The following SUMF1 variants were observed in gnomAD, a reference collection of about 807,000 sequenced individuals.
SUMF1 encodes formylglycine-generating enzyme.
Under a neutral mutation model 47.6 loss-of-function variants are expected in SUMF1, and 48 were observed. The ratio of observed to expected loss-of-function variants is 1.01; its 90% CI spans 0.80 to 1.28. The LOEUF (loss-of-function observed/expected upper bound fraction) is 1.28. SUMF1 is among the 50% of genes most tolerant of loss of function. The probability of loss-of-function intolerance (pLI) is 0.00; values close to 1 mark genes in which losing one functional copy is unlikely to be tolerated. For missense variants in SUMF1, 571 were observed against 485.4 expected (o/e 1.18, Z -1.66); for synonymous variants, 230 against 192.1 (o/e 1.20, Z -1.63).
chr3:4,251,246 T>C (rs1196225710), intron 8 of SUMF1, among the ~76,000 whole-genome samples: 1 of 152,162 alleles, frequency 6.6e-6, no homozygotes, highest in Non-Finnish European at 1.5e-5. Context: ...GCCTATGTGG[T>C]AGAAATAGCA....
At chr3:4,305,301 GTC>G (rs1698146791) in intron 8 of SUMF1, among the ~76,000 whole-genome samples, 1 of 152,106 alleles carries the variant, frequency 6.6e-6, no homozygotes, top group African/African-American at 2.4e-5. Flanking sequence ...GCCCAGGCTG[GTC>G]TCAAACTCCT....
rs372359337 is a variant in SUMF1, at chr3:4,362,168, G to C, written c.1101C>G (p.Ala367=). The stretch of plus-strand genomic sequence containing the variant: ...GTCAGTCCATAGTGGGCAGGCGGTC[G>C]GCTGCACAGCGGAATCCCAGATTCG... ...SASNLGFRCA[A]DRLPTMD is the part of the protein sequence containing the mutation. Residue 367 remains alanine, a synonymous_variant, in exon 9 of 9, where the codon GCC becomes GCG. Transcript: ENST00000272902. 2 of 1,614,144 alleles carry C rather than the reference G, an allele frequency of 1.2e-6. No individual in the cohort carries two copies. Among genetic ancestry groups the C allele is most frequent in the East Asian group, 2.2e-5 (1 of 44,868 alleles).
In SUMF1 at chr3:4,462,902, T is replaced by A. The variant is rs115980658; in HGVS notation, c.270+4074A>T. 7.2e-3 allele frequency among the ~76,000 whole-genome samples: 1,093 copies of A among 152,338 alleles called. 11 individuals are homozygous for A. Among genetic ancestry groups the A allele is most frequent in the African/African-American group, 0.025 (1,043 of 41,576 alleles). On this transcript the variant is annotated intron_variant, in intron 1 of 8. Coordinates refer to ENST00000272902, the MANE Select transcript of SUMF1 (RefSeq NM_182760.4). ...CAAAGTTTCTTGCAGTTCTGAGCTA[T>A]ATGATTCCTTTAAGCCTCAGTTGCC...
chr3:4,142,217 GT>G (rs1483774328), intron 8 of SUMF1, among the ~76,000 whole-genome samples: 1 of 151,836 alleles, frequency 6.6e-6, no homozygotes, highest in African/African-American at 2.4e-5. Flanking sequence ...TTGAGAAACA[GT>G]TTTTTCACTG....
chr3:4,101,118 T>C (rs574143500), intron 8 of SUMF1, among the ~76,000 whole-genome samples: 20 of 152,076 alleles, frequency 1.3e-4, no homozygotes, highest in Non-Finnish European at 2.5e-4. Context: ...AATTACCATA[T>C]GATCAAGCAA....
intron 9 of SUMF1, among the ~76,000 whole-genome samples, chr3:4,054,049 C>T (rs973919363): frequency 1.3e-5 from 2 of 152,060 alleles, no homozygotes; most frequent in African/African-American, 2.4e-5. Context: ...TCAATAGTAA[C>T]ATACTCAAAA....
chr3:4,043,168 G>T (rs1574841706), intron 9 of SUMF1, among the ~76,000 whole-genome samples: 2 of 152,072 alleles, frequency 1.3e-5, no homozygotes. Context: ...ACAGTGGTAG[G>T]TCATGGCACC....
intron 3 of SUMF1, among the ~76,000 whole-genome samples, chr3:4,441,788 C>T (rs1559301990): frequency 6.6e-6 from 1 of 152,150 alleles, no homozygotes; most frequent in Non-Finnish European, 1.5e-5. Context: ...TGAAAGCTAG[C>T]TCAATGTTTT....
intron 8 of SUMF1, among the ~76,000 whole-genome samples, chr3:4,371,697 A>G (rs1700173903): frequency 6.6e-6 from 1 of 152,188 alleles, no homozygotes; most frequent in African/African-American, 2.4e-5. Context: ...TTTCTTGAGT[A>G]CTTACTATGT....
At chr3:4,253,241 T>A (rs926596346) in intron 8 of SUMF1, among the ~76,000 whole-genome samples, 2 of 151,822 alleles carry the variant, frequency 1.3e-5, no homozygotes, top group Admixed American at 1.3e-4. Context: ...GGAAAAAAAA[T>A]GGAAATAGGG....
intron 8 of SUMF1, among the ~76,000 whole-genome samples, chr3:4,202,659 T>C (rs952292823): frequency 1.3e-5 from 2 of 152,118 alleles, no homozygotes; most frequent in East Asian, 3.9e-4. Flanking sequence ...ATTGGTACTT[T>C]GATAGGGATT....
chr3:4,211,059 C>T (rs532242601), intron 8 of SUMF1, among the ~76,000 whole-genome samples: 1 of 141,720 alleles, frequency 7.1e-6, no homozygotes, highest in East Asian at 2.1e-4. Flanking sequence ...TGGCCTGTTG[C>T]AGGACCGTGT....
chr3:4,333,773 A>G (rs1302543881), intron 8 of SUMF1, among the ~76,000 whole-genome samples: 3 of 152,002 alleles, frequency 2.0e-5, no homozygotes, highest in African/African-American at 7.3e-5. Flanking sequence ...TATAAACAGG[A>G]GAACAATTTT....
intron 8 of SUMF1, among the ~76,000 whole-genome samples, chr3:4,294,257 C>T (rs935892162): frequency 6.6e-5 from 10 of 152,114 alleles, no homozygotes; most frequent in Non-Finnish European, 1.5e-4. Context: ...TCTTCGGTCA[C>T]ACTAGCCATA....
chr3:4,279,920 AT>A (rs1430995181), intron 8 of SUMF1, among the ~76,000 whole-genome samples: 1 of 152,166 alleles, frequency 6.6e-6, no homozygotes, highest in Non-Finnish European at 1.5e-5. Context: ...TTTAAATTTA[AT>A]TTTGGCTATA....
In SUMF1 at chr3:4,312,866, G is replaced by A. The variant is rs139762957; in HGVS notation, c.1014+63464C>T. 1.6e-3 allele frequency: 2,555 copies of A among 1,564,172 alleles called. 3 individuals are homozygous for A. The highest frequency in any genetic ancestry group is 4.5e-3 in the Middle Eastern group (26 of 5,772). On this transcript the variant is annotated intron_variant and NMD_transcript_variant, in intron 8 of 12. Transcript: ENST00000448413. ...ATATATAGGAAATATATGACATGCCGTGCTGACTTACAGTGTGTATATTTT... is the reference window on the plus strand; with the variant it reads ...ATATATAGGAAATATATGACATGCCATGCTGACTTACAGTGTGTATATTTT...
intron 9 of SUMF1, among the ~76,000 whole-genome samples, chr3:4,042,107 C>A (rs79257555): frequency 0.024 from 3,716 of 152,270 alleles, 67 homozygotes; most frequent in Non-Finnish European, 0.039. Flanking sequence ...TTAATTTCTG[C>A]AACTCAGTCA....
chr3:4,268,852 C>T (rs1697250197), intron 8 of SUMF1, among the ~76,000 whole-genome samples: 1 of 151,860 alleles, frequency 6.6e-6, no homozygotes. Context: ...AAAAAAATAC[C>T]TTTAAAAAAG....
At chr3:4,409,804 A>G (rs1451517668) in intron 7 of SUMF1, among the ~76,000 whole-genome samples, 1 of 152,190 alleles carries the variant, frequency 6.6e-6, no homozygotes, top group Non-Finnish European at 1.5e-5. Flanking sequence ...TGTTTTCTCT[A>G]GATTATTCAT....
Sources: allele counts gnomAD v4.1 joint callset (sites outside exome capture counted in the v4.1 genomes callset), GRCh38; gene constraint gnomAD v4.1.1; transcripts MANE v1.5; gene names NCBI Gene and HGNC (gene_info 2026-07-23, HGNC 2026-07-21).